Variants in TGM6 observed in about 807,000 individuals in gnomAD.
TGM6 encodes the protein protein-glutamine gamma-glutamyltransferase 6.
In TGM6, 74 loss-of-function variants were observed where a neutral mutation model predicts 77.5. That is an observed-to-expected ratio of 0.96 (90% CI 0.79 to 1.16). TGM6 has a LOEUF of 1.16. TGM6 is among the 50% of genes most tolerant of loss of function. The probability of loss-of-function intolerance (pLI) is 0.00; values close to 1 mark genes in which losing one functional copy is unlikely to be tolerated. For synonymous variants in TGM6, 383 were observed against 378.9 expected (o/e 1.01, Z -0.12); for missense variants, 968 against 940.2 (o/e 1.03, Z -0.39).
chr20:2,384,854 TG>T (rs1346842140), intron 1 of TGM6, among the ~76,000 whole-genome samples: 1 of 152,062 alleles, frequency 6.6e-6, no homozygotes, highest in Non-Finnish European at 1.5e-5. Context: ...TCCCTGTGCC[TG>T]GGGGGTACAG....
At position 2,399,614 on chromosome 20, in the gene TGM6, C is replaced by T. The variant is rs373895401; in HGVS notation, c.726C>T (p.Tyr242=). The change falls in exon 6 of 13, where the codon TAC becomes TAT. Residue 242 remains tyrosine (Y), a synonymous_variant. Coordinates refer to ENST00000202625, the MANE Select transcript of TGM6 (RefSeq NM_198994.3). The part of the protein sequence containing the change: ...GVVQGQWQGK[Y]GGGTSPLHWR... Reference sequence around the variant, plus strand: ...TGCAAGGACAGTGGCAGGGCAAGTACGGCGGCGGCACCAGCCCGCTGCACT... The same window carrying T: ...TGCAAGGACAGTGGCAGGGCAAGTATGGCGGCGGCACCAGCCCGCTGCACT... 25 of 1,613,288 alleles carry T rather than the reference C, an allele frequency of 1.5e-5. No individual in the cohort carries two copies. Among genetic ancestry groups the T allele is most frequent in the African/African-American group, 4.0e-5 (3 of 74,904 alleles).
At chr20:2,427,081 T>C (rs368124806) in intron 10 of TGM6, among the ~76,000 whole-genome samples, 6 of 152,048 alleles carry the variant, frequency 3.9e-5, no homozygotes, top group African/African-American at 1.4e-4. Flanking sequence ...CTATAATTTT[T>C]TTTTCTTAAA....
At chr20:2,432,356 T>G (rs1298217588) in intron 12 of TGM6, 134 bp from the exon 13 acceptor site, 5 of 1,162,922 alleles carry the variant, frequency 4.3e-6, no homozygotes, top group South Asian at 1.3e-5. Flanking sequence ...CCTGCAAACA[T>G]GTTGATAAGG....
At chr20:2,393,102 G>A (rs2084639579) in intron 1 of TGM6, among the ~76,000 whole-genome samples, 1 of 152,166 alleles carries the variant, frequency 6.6e-6, no homozygotes, top group Non-Finnish European at 1.5e-5. Flanking sequence ...CAACACTTGT[G>A]GATTCTGTAT....
chr20:2,392,961 G>C (rs148869979), intron 1 of TGM6, among the ~76,000 whole-genome samples: 1 of 152,154 alleles, frequency 6.6e-6, no homozygotes, highest in Admixed American at 6.5e-5. Flanking sequence ...ATCCATGTCA[G>C]CTGCCCCCAG....
chr20:2,396,713 C>T (rs1026021436), intron 4 of TGM6, 89 bp downstream of exon 4: 2 of 1,227,302 alleles, frequency 1.6e-6, no homozygotes, highest in East Asian at 2.4e-5. Flanking sequence ...TCACTCTTCT[C>T]AGGAGGGACA....
chr20:2,399,773 GC>G, intron 6 of TGM6, 35 bp downstream of exon 6: 3 of 1,576,656 alleles, frequency 1.9e-6, no homozygotes, highest in East Asian at 2.3e-5. Context: ...GGGTACCTGT[GC>G]CCCCAGCTTC....
chr20:2,399,140 G>GAA (rs760119280), intron 5 of TGM6, among the ~76,000 whole-genome samples: 3 of 61,116 alleles, frequency 4.9e-5, no homozygotes, highest in Non-Finnish European at 1.1e-4. Flanking sequence ...TTTTGCATCT[G>GAA]AAAAAAAAAA....
intron 10 of TGM6, among the ~76,000 whole-genome samples, chr20:2,422,814 T>G (rs1217631239): frequency 6.6e-6 from 1 of 151,806 alleles, no homozygotes; most frequent in Non-Finnish European, 1.5e-5. Flanking sequence ...TAGCCAGGCA[T>G]GGTGGTACAC....
Position 2,395,334 on chromosome 20 carries a change from G to A in TGM6, c.322G>A (p.Val108Ile), listed in dbSNP as rs768637779. The change falls in exon 3 of 13, where the codon GTC (valine) becomes ATC (isoleucine). Residue 108 changes from valine to isoleucine, a missense_variant. Physicochemically the swap from Val to Ile is conservative, Grantham distance 29. Transcript: ENST00000202625. ...CAGTCTCGCCAGCCCTCCCAGTGCTGTCATTGGCCGCTACCTGCTGAGCAT... is the reference window on the plus strand; with the variant it reads ...CAGTCTCGCCAGCCCTCCCAGTGCTATCATTGGCCGCTACCTGCTGAGCAT... ...TVSLASPPSAVIGRYLLSIRL... is the reference protein window; with the variant it reads ...TVSLASPPSAIIGRYLLSIRL... 2.4e-5 allele frequency: 39 copies of A among 1,614,242 alleles called. No individual in the cohort carries two copies. Among genetic ancestry groups the A allele is most frequent in the Non-Finnish European group, 3.2e-5 (38 of 1,180,042 alleles).
chr20:2,432,714 C>T lies in TGM6; in HGVS notation c.*71C>T. 1 of 1,608,454 alleles carries T rather than the reference C, an allele frequency of 6.2e-7. No individual in the cohort carries two copies. The highest frequency in any genetic ancestry group is 8.5e-7 in the Non-Finnish European group (1 of 1,176,242). On this transcript the variant is annotated 3_prime_UTR_variant, in exon 13 of 13. Transcript: ENST00000202625. The stretch of plus-strand genomic sequence containing the variant: ...TCCTGCCCATTCTTTGTCTCTTCCA[C>T]ATGGGAGCCAGGAGGCCTCAGTTAA...
chr20:2,400,290 C>A lies in TGM6; in HGVS notation c.851-16C>A, dbSNP rs1343530877. 5.0e-6 allele frequency: 8 copies of A among 1,614,106 alleles called. No homozygotes were observed. Among genetic ancestry groups the A allele is most frequent in the Non-Finnish European group, 3.4e-6 (4 of 1,180,002 alleles). On this transcript the variant is annotated splice_polypyrimidine_tract_variant and intron_variant, in intron 6 of 12. Coordinates refer to ENST00000202625, the MANE Select transcript of TGM6 (RefSeq NM_198994.3). ...GGGCCAGGGTCCCGCCTGCTCCGAG[C>A]CTCTCTGCTCTGCAGTCCTCAGGTG...
At chr20:2,417,855 ATATT>A (rs1293135814) in intron 10 of TGM6, among the ~76,000 whole-genome samples, 2 of 152,160 alleles carry the variant, frequency 1.3e-5, no homozygotes, top group Admixed American at 1.3e-4. Flanking sequence ...ATTAGAATGA[ATATT>A]TACACACCAA....
At chr20:2,406,849 A>G (rs1036583720) in intron 9 of TGM6, among the ~76,000 whole-genome samples, 1 of 136,664 alleles carries the variant, frequency 7.3e-6, no homozygotes, top group African/African-American at 2.9e-5. Flanking sequence ...AAAAAAAAAA[A>G]AAAAAAAAAA....
intron 9 of TGM6, among the ~76,000 whole-genome samples, chr20:2,405,879 C>T (rs1456385436): frequency 6.6e-6 from 1 of 152,190 alleles, no homozygotes; most frequent in Non-Finnish European, 1.5e-5. Context: ...CACCTGCTGT[C>T]TCCCTTCAAT....
At chr20:2,409,355 G>A (rs575431065) in intron 9 of TGM6, among the ~76,000 whole-genome samples, 25 of 152,252 alleles carry the variant, frequency 1.6e-4, no homozygotes, top group African/African-American at 5.5e-4. Context: ...GGAATTTATA[G>A]CCGTAAAACC....
intron 9 of TGM6, among the ~76,000 whole-genome samples, chr20:2,405,221 G>A (rs1027410029): frequency 6.6e-6 from 1 of 152,202 alleles, no homozygotes; most frequent in Non-Finnish European, 1.5e-5. Context: ...AGATGAAGCT[G>A]TGAGGTTTCT....
At chr20:2,409,959 GA>G (rs920133580) in intron 9 of TGM6, among the ~76,000 whole-genome samples, 20 of 152,256 alleles carry the variant, frequency 1.3e-4, no homozygotes, top group African/African-American at 4.6e-4. Flanking sequence ...CTACAAAAAT[GA>G]AAAGAACTAT....
rs757988661 is a variant in TGM6 at position 2,430,915 on chromosome 20, G to A, written c.1855G>A (p.Gly619Arg). ...TCAGGTTCTGGGCCCAGCCATGGTGGGAGTGGCAGTTACAGTGGAAGTGAC... is the reference window on the plus strand; with the variant it reads ...TCAGGTTCTGGGCCCAGCCATGGTGAGAGTGGCAGTTACAGTGGAAGTGAC... ...TIKVLGPAMV[G>R]VAVTVEVTVV... Residue 619 changes from glycine to arginine, a missense_variant, in exon 12 of 13, where the codon GGA becomes AGA. Physicochemically the swap from Gly to Arg is moderately radical, Grantham distance 125. Transcript: ENST00000202625. 1.2e-6 allele frequency: 2 copies of A among 1,614,168 alleles called. No homozygotes were observed. The highest frequency in any genetic ancestry group is 4.5e-5 in the East Asian group (2 of 44,880).
Sources: allele counts gnomAD v4.1 joint callset (sites outside exome capture counted in the v4.1 genomes callset), GRCh38; gene constraint gnomAD v4.1.1; transcripts MANE v1.5; gene names NCBI Gene and HGNC (gene_info 2026-07-23, HGNC 2026-07-21).